Variants in ADGRE1 observed in about 807,000 individuals in gnomAD.
ADGRE1 encodes the protein EGF-like module receptor 1.
ADGRE1 carries 82 observed loss-of-function variants against 102.7 expected under a neutral mutation model. That is an observed-to-expected ratio of 0.80 (90% CI 0.67 to 0.96). The LOEUF is 0.96. ADGRE1 is among the 40% of genes least tolerant of loss of function. The pLI is 0.00. For synonymous variants in ADGRE1, 398 were observed against 399.6 expected (o/e 1.00, Z 0.05); for missense variants, 1,032 against 1,085.3 (o/e 0.95, Z 0.69).
chr19:6,913,840 A>G lies in ADGRE1; in HGVS notation c.1300+10A>G, dbSNP rs746498264. ...CGGACGGAATACTTAGGTAGGAGAC[A>G]CCCTTTGTGGCAAGGTTACACCTAG... is the stretch of plus-strand genomic sequence containing the variant. On this transcript the variant is annotated intron_variant, in intron 11 of 20. Transcript: ENST00000312053. 1.9e-6 allele frequency: 3 copies of G among 1,564,844 alleles called. No individual in the cohort carries two copies. Among genetic ancestry groups the G allele is most frequent in the Non-Finnish European group, 1.7e-6 (2 of 1,149,896 alleles).
At chr19:6,932,509 G>C (rs8103865) in intron 17 of ADGRE1, among the ~76,000 whole-genome samples, 62,953 of 151,780 alleles carry the variant, frequency 0.41, 13,333 homozygotes, top group Middle Eastern at 0.48. Context: ...AATTTAAAAG[G>C]CTATCTGTTG....
At chr19:6,938,586 T>C (rs1185454803) in intron 20 of ADGRE1, among the ~76,000 whole-genome samples, 1 of 151,970 alleles carries the variant, frequency 6.6e-6, no homozygotes, top group Admixed American at 6.6e-5. Context: ...GAGTAAATAA[T>C]AATTCAATAG....
Position 6,940,182 on chromosome 19 carries a change from T to G in ADGRE1, c.*153T>G, listed in dbSNP as rs1002995763. The stretch of plus-strand genomic sequence containing the variant: ...CTGGGGAAGAATGTTGGGGGCGGTC[T>G]TCCTGTGGTTGTATGCACTGATGAG... On this transcript the variant is annotated 3_prime_UTR_variant, in exon 21 of 21. Coordinates refer to ENST00000312053, the MANE Select transcript of ADGRE1 (RefSeq NM_001974.5). 3 of 836,338 alleles carry G rather than the reference T, an allele frequency of 3.6e-6. No homozygotes were observed. The African/African-American group carries it at 5.1e-5, about 14-fold the overall frequency. The allele number at this position is 836,338 out of a possible 1,614,324, so 51.8% of individuals were successfully genotyped here.
intron 13 of ADGRE1, among the ~76,000 whole-genome samples, chr19:6,920,155 T>G (rs1974584498): frequency 6.6e-6 from 1 of 152,078 alleles, no homozygotes; most frequent in African/African-American, 2.4e-5. Flanking sequence ...AGGTGTGATC[T>G]GATTGGATCC....
At chr19:6,925,305 T>C (rs527936167) in intron 15 of ADGRE1, among the ~76,000 whole-genome samples, 1 of 152,258 alleles carries the variant, frequency 6.6e-6, no homozygotes, top group Non-Finnish European at 1.5e-5. Flanking sequence ...GTATTTTTAG[T>C]AGAGACGGGG....
Position 6,906,533 on chromosome 19 carries a change from T to C in ADGRE1, c.1038+12T>C. 6.2e-7 allele frequency: 1 copy of C among 1,610,290 alleles called. No individual in the cohort carries two copies. The highest frequency in any genetic ancestry group is 8.5e-7 in the Non-Finnish European group (1 of 1,177,926). On this transcript the variant is annotated intron_variant, in intron 9 of 20. Transcript: ENST00000312053. ...TGAAACCTGCATATGCAAGTATTTT[T>C]TAAGGTTCCTAGTTTTTGAGGTTTT...
In ADGRE1 at chr19:6,896,520, G is replaced by T. The variant is rs767902336; in HGVS notation, c.217G>T (p.Asp73Tyr). 2 of 1,614,034 alleles carry T rather than the reference G, an allele frequency of 1.2e-6. No homozygotes were observed. Among genetic ancestry groups the T allele is most frequent in the Non-Finnish European group, 1.7e-6 (2 of 1,179,956 alleles). Residue 73 changes from aspartate to tyrosine, a missense_variant, in exon 3 of 21, where the codon GAT (aspartate) becomes TAT (tyrosine). Physicochemically the swap from Asp to Tyr is radical, Grantham distance 160. Transcript: ENST00000312053. ...LSSNGQNHFK[D>Y]PGVRCKDIDE... is the part of the protein sequence containing the mutation. Reference sequence around the variant, plus strand: ...CAGCAATGGGCAAAATCACTTCAAGGATCCAGGAGTGCGATGCAAAGGTGA... The same window carrying T: ...CAGCAATGGGCAAAATCACTTCAAGTATCCAGGAGTGCGATGCAAAGGTGA...
intron 11 of ADGRE1, among the ~76,000 whole-genome samples, chr19:6,915,688 G>A (rs538990471): frequency 6.6e-6 from 1 of 151,978 alleles, no homozygotes; most frequent in Non-Finnish European, 1.5e-5. Context: ...TTGGGAGGCC[G>A]AGGCAGGTGG....
chr19:6,914,621 T>A (rs767873047), intron 11 of ADGRE1, among the ~76,000 whole-genome samples: 22 of 152,218 alleles, frequency 1.4e-4, no homozygotes, highest in Non-Finnish European at 2.4e-4. Context: ...ATAAAGTATT[T>A]GGTGGACTCC....
intron 14 of ADGRE1, 125 bp from the exon 15 acceptor site, chr19:6,924,553 G>A: frequency 1.4e-6 from 1 of 733,978 alleles, no homozygotes; most frequent in Non-Finnish European, 2.3e-6. Flanking sequence ...TTCACTCTGA[G>A]TGTTAGAGGG....
intron 8 of ADGRE1, among the ~76,000 whole-genome samples, chr19:6,905,248 T>G (rs1196038360): frequency 6.6e-6 from 1 of 151,984 alleles, no homozygotes; most frequent in Admixed American, 6.6e-5. Flanking sequence ...CTCAGGAGGC[T>G]GAGGTGGGAG....
Position 6,908,650 on chromosome 19 carries a change from T to A in ADGRE1, c.1039-39T>A, listed in dbSNP as rs367896055. On this transcript the variant is annotated intron_variant, in intron 9 of 20. Coordinates refer to ENST00000312053, the MANE Select transcript of ADGRE1 (RefSeq NM_001974.5). The stretch of plus-strand genomic sequence containing the variant: ...ATGCTTGGGGGAATACATCGATTCA[T>A]GCTCACAAATGCTCTTTTTTTTTTT... The A allele has an allele frequency of 2.5e-5, 37 of 1,492,044 alleles. 1 individual carries two copies. In the African/African-American group the frequency reaches 4.8e-4, roughly 19 times the overall value. The allele number at this position is 1,492,044 out of a possible 1,614,324, so 92.4% of individuals were successfully genotyped here.
chr19:6,914,953 G>A lies in ADGRE1; in HGVS notation c.1300+1123G>A, dbSNP rs140679218. On this transcript the variant is annotated intron_variant, in intron 11 of 20. Transcript: ENST00000312053. ...TGGCTGAAGTGGCATTGAAGATGGT[G>A]AGAGCAGTAGGAGAAAGGAAGGGAG... Among the ~76,000 whole-genome samples, 1,063 of 152,196 alleles carry A rather than the reference G, an allele frequency of 7.0e-3. 6 individuals carry two copies. The highest frequency in any genetic ancestry group is 9.3e-3 in the Non-Finnish European group (632 of 68,008).
rs772369551 is a variant in ADGRE1 at position 6,928,294 on chromosome 19, C to T, written c.2289+83C>T. 53 of 1,610,354 alleles carry T rather than the reference C, an allele frequency of 3.3e-5. No homozygotes were observed. In the East Asian group the frequency reaches 4.9e-4, roughly 15 times the overall value. On this transcript the variant is annotated intron_variant, in intron 17 of 20. Coordinates refer to ENST00000312053, the MANE Select transcript of ADGRE1 (RefSeq NM_001974.5). ...CTGCGAGATCTGGAATTTCCAGGGA[C>T]GTGTGCAGCTGAGAGGGTCACTTAT...
chr19:6,925,358 G>A (rs1974855297), intron 15 of ADGRE1, among the ~76,000 whole-genome samples: 1 of 152,132 alleles, frequency 6.6e-6, no homozygotes, highest in Admixed American at 6.6e-5. Flanking sequence ...CCTGACCTCA[G>A]GTGATCCACC....
chr19:6,925,152 G>A lies in ADGRE1; in HGVS notation c.1986+280G>A, dbSNP rs370074940. Among the ~76,000 whole-genome samples, 9 of 152,036 alleles carry A rather than the reference G, an allele frequency of 5.9e-5. 2 individuals are homozygous for A. Among genetic ancestry groups the A allele is most frequent in the East Asian group, 3.9e-4 (2 of 5,164 alleles). On this transcript the variant is annotated intron_variant, in intron 15 of 20. Transcript: ENST00000312053. The stretch of plus-strand genomic sequence containing the variant: ...TTGTTTGTTTTTGATACTGAGTTTC[G>A]CTCTTGTTGCCCAGGCTGGAGTGCA...
chr19:6,889,902 T>A (rs1208020877), intron 1 of ADGRE1, among the ~76,000 whole-genome samples: 1 of 151,960 alleles, frequency 6.6e-6, no homozygotes, highest in Non-Finnish European at 1.5e-5. Context: ...ATGCATGCTT[T>A]AATGTATGTT....
At chr19:6,938,915 C>T (rs560500463) in intron 20 of ADGRE1, among the ~76,000 whole-genome samples, 2 of 151,930 alleles carry the variant, frequency 1.3e-5, no homozygotes, top group African/African-American at 2.4e-5. Flanking sequence ...CCTGCCTCAG[C>T]CTCCCAAGTA....
intron 17 of ADGRE1, among the ~76,000 whole-genome samples, chr19:6,929,214 T>G (rs1975043622): frequency 6.6e-6 from 1 of 152,112 alleles, no homozygotes; most frequent in Non-Finnish European, 1.5e-5. Flanking sequence ...AGCAGAGGTT[T>G]AATAGGCAAA....
Sources: allele counts gnomAD v4.1 joint callset (sites outside exome capture counted in the v4.1 genomes callset), GRCh38; gene constraint gnomAD v4.1.1; transcripts MANE v1.5; gene names NCBI Gene and HGNC (gene_info 2026-07-23, HGNC 2026-07-21).